NSMCE2: variants seen among roughly 807,000 people sequenced by gnomAD.
The protein encoded by NSMCE2 is NSE2 SUMO ligase component of SMC5/6 complex.
In NSMCE2, 24 loss-of-function variants were observed where a neutral mutation model predicts 23.8. The observed-to-expected ratio is 1.01, with a 90% CI of 0.73 to 1.42. The LOEUF (loss-of-function observed/expected upper bound fraction) is 1.42, where lower values mean the gene tolerates loss of function less well. Among genes scored for constraint, NSMCE2 ranks in the 40% most tolerant of loss-of-function variants. The probability of loss-of-function intolerance (pLI) is 0.00; values close to 1 mark genes in which losing one functional copy is unlikely to be tolerated. For missense variants in NSMCE2, 284 were observed against 296.5 expected, an observed-to-expected ratio of 0.96 and a Z score of 0.31; for synonymous variants, 92 against 94.1, an observed-to-expected ratio of 0.98 and a Z score of 0.13.
intron 5 of NSMCE2, among the ~76,000 whole-genome samples, chr8:125,225,936 T>G (rs1267859183): frequency 6.6e-6 from 1 of 152,224 alleles, no homozygotes; most frequent in Non-Finnish European, 1.5e-5. Flanking sequence ...AAAAGATGAA[T>G]TTTAATGGAC....
chr8:125,289,857 A>G (rs75370313), intron 5 of NSMCE2, among the ~76,000 whole-genome samples: 45 of 152,334 alleles, frequency 3.0e-4, no homozygotes, highest in Admixed American at 2.2e-3. Flanking sequence ...CTGGTCTTAA[A>G]TCAAAGCATT....
intron 6 of NSMCE2, 115 bp downstream of exon 6, chr8:125,357,434 A>G (rs1410186957): frequency 1.3e-6 from 1 of 770,092 alleles, no homozygotes; most frequent in African/African-American, 1.7e-5. Context: ...GGGAGTAAAG[A>G]AAAGTGCTGG....
intron 5 of NSMCE2, among the ~76,000 whole-genome samples, chr8:125,299,562 C>T (rs1212007507): frequency 6.6e-6 from 1 of 152,110 alleles, no homozygotes; most frequent in African/African-American, 2.4e-5. Context: ...CCAGTTACCT[C>T]CCACCAGGTC....
chr8:125,141,177 C>A (rs1204082095), intron 3 of NSMCE2, among the ~76,000 whole-genome samples: 80 of 152,148 alleles, frequency 5.3e-4, no homozygotes, highest in Non-Finnish European at 1.5e-5. Context: ...TATTAACATA[C>A]ATTCTAAGGA....
At chr8:125,329,436 T>A (rs1013940983) in intron 5 of NSMCE2, among the ~76,000 whole-genome samples, 2 of 152,212 alleles carry the variant, frequency 1.3e-5, no homozygotes, top group Non-Finnish European at 2.9e-5. Flanking sequence ...TCCTTTCTTT[T>A]TAGTTACCAA....
intron 1 of NSMCE2, among the ~76,000 whole-genome samples, chr8:125,095,723 C>T (rs781354933): frequency 6.6e-5 from 10 of 151,788 alleles, no homozygotes; most frequent in Admixed American, 2.0e-4. Context: ...AGTGAAACCC[C>T]GTCTCTACTA....
chr8:125,265,073 T>G (rs1826856594), intron 5 of NSMCE2, among the ~76,000 whole-genome samples: 2 of 152,046 alleles, frequency 1.3e-5, no homozygotes, highest in Non-Finnish European at 2.9e-5. Context: ...AATTAAAGTT[T>G]ATATACAGTT....
chr8:125,133,330 A>G (rs1282361367), intron 3 of NSMCE2, among the ~76,000 whole-genome samples: 3 of 152,220 alleles, frequency 2.0e-5, no homozygotes, highest in Non-Finnish European at 4.4e-5. Context: ...GGGATCTTAC[A>G]TCCAGTTTTG....
At chr8:125,111,452 A>G (rs73348132) in intron 3 of NSMCE2, among the ~76,000 whole-genome samples, 4,202 of 152,314 alleles carry the variant, frequency 0.028, 177 homozygotes, top group African/African-American at 0.096. Flanking sequence ...CCTATCACCC[A>G]TCACCTTATT....
chr8:125,098,673 G>C (rs1261947002), intron 1 of NSMCE2, among the ~76,000 whole-genome samples: 1 of 152,046 alleles, frequency 6.6e-6, no homozygotes, highest in Non-Finnish European at 1.5e-5. Context: ...GTTGAGTTTG[G>C]TATAGGATAT....
At chr8:125,119,717 A>G (rs576451157) in intron 3 of NSMCE2, among the ~76,000 whole-genome samples, 2 of 152,310 alleles carry the variant, frequency 1.3e-5, no homozygotes, top group South Asian at 4.1e-4. Context: ...AAAAGACATA[A>G]AATTTTACGT....
chr8:125,226,438 G>A (rs1177816323), intron 5 of NSMCE2, among the ~76,000 whole-genome samples: 5 of 152,186 alleles, frequency 3.3e-5, no homozygotes, highest in African/African-American at 9.7e-5. Context: ...GACAGGAGTG[G>A]AGGGACAGAA....
At chr8:125,184,526 T>C (rs1282971327) in intron 5 of NSMCE2, among the ~76,000 whole-genome samples, 3 of 152,098 alleles carry the variant, frequency 2.0e-5, no homozygotes, top group Admixed American at 2.0e-4. Flanking sequence ...TCCCCTAAAA[T>C]AATTAAAATA....
chr8:125,317,843 A>G (rs1046312435), intron 5 of NSMCE2, among the ~76,000 whole-genome samples: 47 of 152,244 alleles, frequency 3.1e-4, no homozygotes, highest in Admixed American at 2.6e-4. Context: ...CAAAGCAAAA[A>G]TTATCAGACC....
intron 3 of NSMCE2, among the ~76,000 whole-genome samples, chr8:125,129,771 A>G (rs1002556525): frequency 4.6e-5 from 7 of 151,990 alleles, no homozygotes; most frequent in African/African-American, 1.7e-4. Context: ...TCATTTTGCA[A>G]TCTCTCTCTA....
intron 3 of NSMCE2, among the ~76,000 whole-genome samples, chr8:125,127,949 G>A (rs1476384330): frequency 6.6e-6 from 1 of 152,148 alleles, no homozygotes; most frequent in Non-Finnish European, 1.5e-5. Flanking sequence ...CTTATGTGTG[G>A]AATTTTCCAC....
chr8:125,357,965 T>A, intron 7 of NSMCE2, 147 bp downstream of exon 7: 2 of 631,872 alleles, frequency 3.2e-6, no homozygotes. Context: ...GTGGGCTTTC[T>A]GGAAAAACAA....
chr8:125,357,297 A>C lies in NSMCE2; in HGVS notation c.497A>C (p.Asn166Thr). 6.2e-7 allele frequency: 1 copy of C among 1,609,422 alleles called. No individual in the cohort carries two copies. Among genetic ancestry groups the C allele is most frequent in the Non-Finnish European group, 8.5e-7 (1 of 1,175,772 alleles). Residue 166 changes from asparagine to threonine, a missense_variant, in exon 6 of 8, where the codon AAC (asparagine) becomes ACC (threonine). Around this residue, in one of 2 missense-constraint regions of NSMCE2, gnomAD observed 102 missense variants for 141.0 expected, o/e 0.72. Coordinates refer to ENST00000287437, the MANE Select transcript of NSMCE2 (RefSeq NM_173685.4). ...EDIIVTQSQT[N>T]FTCPITKEEM... The stretch of plus-strand genomic sequence containing the variant: ...ATAATTGTGACCCAAAGTCAGACCA[A>C]CTTCACCTGCCCCATTACAAAGGTA...
chr8:125,118,699 G>T (rs531081576), intron 3 of NSMCE2, among the ~76,000 whole-genome samples: 1 of 152,154 alleles, frequency 6.6e-6, no homozygotes. Flanking sequence ...AAGTAAAAAT[G>T]TGTTGATTCT....
Sources: allele counts gnomAD v4.1 joint callset (sites outside exome capture counted in the v4.1 genomes callset), GRCh38; gene constraint gnomAD v4.1.1; regional missense constraint gnomAD v4.1.1; transcripts MANE v1.5; gene names NCBI Gene and HGNC (gene_info 2026-07-23, HGNC 2026-07-21).